LHFPL3: variants seen among roughly 807,000 people sequenced by gnomAD.
LHFPL3 encodes the protein LHFPL tetraspan subfamily member 3.
LHFPL3 carries 5 observed loss-of-function variants against 19.3 expected under a neutral mutation model. The ratio of observed to expected loss-of-function variants is 0.26; its 90% CI spans 0.14 to 0.54. The LOEUF (loss-of-function observed/expected upper bound fraction) is 0.54, where lower values mean the gene tolerates loss of function less well. Ranked by LOEUF, LHFPL3 falls within the 20% of genes least tolerant of loss-of-function variation. The pLI, the probability that LHFPL3 is intolerant of heterozygous loss-of-function variation, is 0.94. For synonymous variants in LHFPL3, 133 were observed against 126.2 expected (o/e 1.05, Z -0.36); for missense variants, 249 against 307.4 (o/e 0.81, Z 1.42).
chr7:104,768,392 C>T (rs977229451), intron 2 of LHFPL3, among the ~76,000 whole-genome samples: 4 of 152,136 alleles, frequency 2.6e-5, no homozygotes, highest in African/African-American at 7.2e-5. Context: ...CCAGGGAGTG[C>T]AATCACCCTT....
Position 104,547,055 on chromosome 7 carries a change from T to G in LHFPL3, c.446-189620T>G, listed in dbSNP as rs1158239532. On this transcript the variant is annotated intron_variant, in intron 1 of 2. Coordinates refer to ENST00000424859, the MANE Select transcript of LHFPL3 (RefSeq NM_199000.3). ...ATCGAGACCATCCTGGCTAACAAGG[T>G]GAAACCCCGTCTCTACTAAAAATAC... 5.2e-5 allele frequency among the ~76,000 whole-genome samples: 2 copies of G among 38,642 alleles called. 1 individual carries two copies. The highest frequency in any genetic ancestry group is 1.6e-4 in the African/African-American group (2 of 12,650). The allele number at this position is 38,642 out of a possible 152,430, so 25.4% of individuals were successfully genotyped here. A position where few individuals can be genotyped will look rare whatever the true frequency, so the allele number is the denominator to read the frequency against.
At position 104,611,505 on chromosome 7, in the gene LHFPL3, C is replaced by T. The variant is rs975100684; in HGVS notation, c.446-125170C>T. Reference sequence around the variant, plus strand: ...AAAGGGTGTGTGTTACAATACTTGACAGTGTCAGAATCAAAGGGCAAAGAA... The same window carrying T: ...AAAGGGTGTGTGTTACAATACTTGATAGTGTCAGAATCAAAGGGCAAAGAA... On this transcript the variant is annotated intron_variant, in intron 1 of 2. Coordinates refer to ENST00000424859, the MANE Select transcript of LHFPL3 (RefSeq NM_199000.3). Among the ~76,000 whole-genome samples, 5 of 152,274 alleles carry T rather than the reference C, an allele frequency of 3.3e-5. No individual in the cohort carries two copies. The East Asian group carries it at 9.7e-4, about 29-fold the overall frequency.
chr7:104,503,870 G>C (rs892246109), intron 1 of LHFPL3, among the ~76,000 whole-genome samples: 1 of 152,152 alleles, frequency 6.6e-6, no homozygotes, highest in Non-Finnish European at 1.5e-5. Context: ...ACATGCAGCT[G>C]AAGTTTTTTT....
intron 1 of LHFPL3, among the ~76,000 whole-genome samples, chr7:104,491,160 AACAC>A (rs1374148632): frequency 2.7e-5 from 4 of 150,702 alleles, no homozygotes; most frequent in African/African-American, 9.7e-5. Flanking sequence ...CAGAGGCTGT[AACAC>A]TGTGTTGCAT....
At chr7:104,725,779 C>T (rs1584498839) in intron 1 of LHFPL3, among the ~76,000 whole-genome samples, 1 of 152,058 alleles carries the variant, frequency 6.6e-6, no homozygotes, top group Non-Finnish European at 1.5e-5. Context: ...CGGCAGGGCG[C>T]GGTGGCTTAC....
At chr7:104,887,391 C>A (rs1247042729) in intron 2 of LHFPL3, among the ~76,000 whole-genome samples, 1 of 152,058 alleles carries the variant, frequency 6.6e-6, no homozygotes, top group Admixed American at 6.6e-5. Context: ...GGAAGGTGGT[C>A]AATAAAGGGA....
chr7:104,559,328 C>T (rs933705790), intron 1 of LHFPL3, among the ~76,000 whole-genome samples: 1 of 149,642 alleles, frequency 6.7e-6, no homozygotes, highest in African/African-American at 2.5e-5. Flanking sequence ...AATGTTCTTC[C>T]ATTTGTTTGT....
intron 1 of LHFPL3, among the ~76,000 whole-genome samples, chr7:104,514,854 C>A (rs1161950862): frequency 6.6e-6 from 1 of 152,166 alleles, no homozygotes; most frequent in East Asian, 1.9e-4. Flanking sequence ...TTAATGATAT[C>A]TAAAATCTGA....
intron 1 of LHFPL3, among the ~76,000 whole-genome samples, chr7:104,690,240 A>G (rs754659295): frequency 3.2e-4 from 49 of 152,232 alleles, no homozygotes; most frequent in Non-Finnish European, 1.0e-4. Flanking sequence ...ATGTGGTTTC[A>G]TTGCTTAAAC....
chr7:104,837,800 GCTGC>G (rs1445241788), intron 2 of LHFPL3, among the ~76,000 whole-genome samples: 3 of 152,132 alleles, frequency 2.0e-5, no homozygotes, highest in African/African-American at 7.2e-5. Flanking sequence ...CAGGAATTTA[GCTGC>G]CACATTCCAG....
intron 1 of LHFPL3, among the ~76,000 whole-genome samples, chr7:104,409,004 ACAGGCGCCTG>A (rs1324372948): frequency 6.7e-6 from 1 of 149,680 alleles, no homozygotes; most frequent in East Asian, 2.0e-4. Context: ...AGCAGGGACT[ACAGGCGCCTG>A]CCACCACGCC....
intron 1 of LHFPL3, among the ~76,000 whole-genome samples, chr7:104,523,866 A>G (rs1027669622): frequency 6.8e-4 from 104 of 152,298 alleles, no homozygotes; most frequent in African/African-American, 2.4e-3. Context: ...AGGAAGGTTT[A>G]AAATACTCAG....
intron 1 of LHFPL3, among the ~76,000 whole-genome samples, chr7:104,582,034 C>T (rs904323222): frequency 1.3e-5 from 2 of 151,880 alleles, no homozygotes; most frequent in Non-Finnish European, 2.9e-5. Flanking sequence ...TTATTATTAG[C>T]ATTGGATTGA....
At chr7:104,532,286 T>G (rs1794312182) in intron 1 of LHFPL3, among the ~76,000 whole-genome samples, 1 of 54,932 alleles carries the variant, frequency 1.8e-5, no homozygotes, top group Admixed American at 1.9e-4. Flanking sequence ...TTGGCTAATG[T>G]TTTTTTTTTC....
At chr7:104,793,549 G>A (rs771865590) in intron 2 of LHFPL3, among the ~76,000 whole-genome samples, 10 of 152,160 alleles carry the variant, frequency 6.6e-5, no homozygotes, top group Admixed American at 2.0e-4. Flanking sequence ...CCACAAAAAG[G>A]TAACACATTT....
intron 1 of LHFPL3, among the ~76,000 whole-genome samples, chr7:104,458,695 C>T (rs181369148): frequency 8.2e-4 from 125 of 151,672 alleles, no homozygotes; most frequent in Non-Finnish European, 2.9e-5. Flanking sequence ...GAATCTAAAC[C>T]CACTGCATTT....
intron 1 of LHFPL3, among the ~76,000 whole-genome samples, chr7:104,571,763 T>C (rs972953647): frequency 6.6e-6 from 1 of 152,186 alleles, no homozygotes. Flanking sequence ...GACAACCAAG[T>C]CTTCACAGGG....
chr7:104,667,679 A>G (rs1182850792), intron 1 of LHFPL3: 4 of 1,119,814 alleles, frequency 3.6e-6, no homozygotes, highest in South Asian at 2.9e-5. Flanking sequence ...TTAACATGCC[A>G]TTATACATGC....
At chr7:104,586,687 T>C (rs1453566760) in intron 1 of LHFPL3, among the ~76,000 whole-genome samples, 1 of 152,188 alleles carries the variant, frequency 6.6e-6, no homozygotes, top group Non-Finnish European at 1.5e-5. Flanking sequence ...ATTAGCATTG[T>C]CTACACACTG....
Sources: gnomAD v4.1 joint callset for allele counts (sites outside exome capture counted in the v4.1 genomes callset) on GRCh38, gnomAD v4.1.1 for gene constraint, MANE v1.5 for transcripts, NCBI Gene and HGNC (gene_info 2026-07-23, HGNC 2026-07-21) for gene names.